PTPRT: variants seen among roughly 807,000 people sequenced by gnomAD.
The protein encoded by PTPRT is protein tyrosine phosphatase receptor type T.
Under a neutral mutation model 176.8 loss-of-function variants are expected in PTPRT, and 56 were observed. That is an observed-to-expected ratio of 0.32 (90% CI 0.26 to 0.40). The LOEUF (loss-of-function observed/expected upper bound fraction) is 0.40. PTPRT is among the 10% of genes least tolerant of loss of function. The pLI is 1.00. For missense variants in PTPRT, 1,540 were observed against 1,908.2 expected, an observed-to-expected ratio of 0.81 and a Z score of 3.60; for synonymous variants, 783 against 739.0, an observed-to-expected ratio of 1.06 and a Z score of -0.96.
intron 12 of PTPRT, among the ~76,000 whole-genome samples, chr20:42,286,477 T>C (rs574592690): frequency 1.3e-5 from 2 of 151,906 alleles, no homozygotes; most frequent in Admixed American, 1.3e-4. Context: ...GAACACTCAC[T>C]GGGGAAAGGA....
chr20:42,451,447 G>A (rs2070825013), intron 8 of PTPRT, among the ~76,000 whole-genome samples: 3 of 152,094 alleles, frequency 2.0e-5, no homozygotes, highest in Non-Finnish European at 2.9e-5. Flanking sequence ...TGGGAAGACT[G>A]GGGCCAATGT....
At chr20:42,230,942 C>A (rs1424850695) in intron 15 of PTPRT, among the ~76,000 whole-genome samples, 2 of 152,198 alleles carry the variant, frequency 1.3e-5, no homozygotes, top group South Asian at 2.1e-4. Context: ...GTCATTAACA[C>A]CCCTTTCATA....
chr20:42,513,199 GGGGTGT>G (rs1202942014), intron 7 of PTPRT, among the ~76,000 whole-genome samples: 1 of 121,508 alleles, frequency 8.2e-6, no homozygotes, highest in African/African-American at 3.6e-5. Flanking sequence ...CTCTATTGAT[GGGGTGT>G]GTGTGTGTGT....
chr20:42,490,397 A>T (rs1398974157), intron 7 of PTPRT, among the ~76,000 whole-genome samples: 1 of 151,890 alleles, frequency 6.6e-6, no homozygotes, highest in Admixed American at 6.6e-5. Context: ...TCTTCTTTTA[A>T]CTCTCTTATT....
chr20:42,214,439 C>T (rs1416823232), intron 15 of PTPRT, among the ~76,000 whole-genome samples: 1 of 152,158 alleles, frequency 6.6e-6, no homozygotes, highest in East Asian at 1.9e-4. Flanking sequence ...GGGTCCTTTC[C>T]CTCCTGCCCC....
chr20:42,617,365 C>A (rs201334768), intron 7 of PTPRT, among the ~76,000 whole-genome samples: 46 of 134,576 alleles, frequency 3.4e-4, no homozygotes, highest in African/African-American at 1.2e-3. Flanking sequence ...GGATTTTTGC[C>A]TCAATGTTCA....
At position 42,707,641 on chromosome 20, in the gene PTPRT, G is replaced by A. The variant is rs999287839; in HGVS notation, c.860-29482C>T. 2.6e-5 allele frequency among the ~76,000 whole-genome samples: 4 copies of A among 152,180 alleles called. No homozygotes were observed. In the East Asian group the frequency reaches 7.7e-4, roughly 29 times the overall value. On this transcript the variant is annotated intron_variant, in intron 6 of 30. Transcript: ENST00000373187. ...TTCAGTCCCACCATCACAAGGATCA[G>A]AATTCAACCAGCAACAAGGATGAGC...
chr20:43,064,791 A>G (rs1473381275), intron 1 of PTPRT, among the ~76,000 whole-genome samples: 2 of 152,240 alleles, frequency 1.3e-5, no homozygotes, highest in Non-Finnish European at 2.9e-5. Context: ...GGTTCTGAGT[A>G]CAGCTTTTTC....
intron 15 of PTPRT, among the ~76,000 whole-genome samples, chr20:42,233,630 T>G (rs147747218): frequency 6.6e-6 from 1 of 152,290 alleles, no homozygotes; most frequent in East Asian, 1.9e-4. Flanking sequence ...CACAAGTGCT[T>G]GGTGGTAGTT....
intron 7 of PTPRT, among the ~76,000 whole-genome samples, chr20:42,640,432 G>A (rs748021564): frequency 6.6e-6 from 1 of 151,870 alleles, no homozygotes; most frequent in Non-Finnish European, 1.5e-5. Flanking sequence ...GTCTTGCTTT[G>A]TCGCCCAGGC....
intron 7 of PTPRT, among the ~76,000 whole-genome samples, chr20:42,631,428 T>C (rs1254157313): frequency 6.6e-6 from 1 of 152,068 alleles, no homozygotes; most frequent in Admixed American, 6.5e-5. Context: ...TATTGCCACA[T>C]GTTATGTTCC....
chr20:42,385,533 C>T (rs1234655678), intron 9 of PTPRT, among the ~76,000 whole-genome samples: 1 of 152,146 alleles, frequency 6.6e-6, no homozygotes, highest in Non-Finnish European at 1.5e-5. Context: ...ATCTGATATA[C>T]AAGGCTGTAC....
intron 7 of PTPRT, among the ~76,000 whole-genome samples, chr20:42,642,766 G>A (rs966632354): frequency 1.1e-4 from 16 of 152,134 alleles, no homozygotes; most frequent in African/African-American, 3.9e-4. Context: ...ACTTTGGGAG[G>A]TTAATGTAAA....
At chr20:42,125,338 A>G (rs1438867106) in intron 19 of PTPRT, among the ~76,000 whole-genome samples, 1 of 152,164 alleles carries the variant, frequency 6.6e-6, no homozygotes, top group Non-Finnish European at 1.5e-5. Context: ...TGATTAAGTA[A>G]TTTACCCAAG....
chr20:42,316,289 G>A (rs528854197), intron 11 of PTPRT, among the ~76,000 whole-genome samples: 2 of 152,162 alleles, frequency 1.3e-5, no homozygotes, highest in African/African-American at 4.8e-5. Flanking sequence ...AATGGTAGCA[G>A]CATCTGACAA....
At chr20:42,768,934 T>C (rs887933887) in intron 5 of PTPRT, among the ~76,000 whole-genome samples, 7 of 152,170 alleles carry the variant, frequency 4.6e-5, no homozygotes, top group Non-Finnish European at 1.0e-4. Flanking sequence ...ATAACGATCA[T>C]AAAATAATTG....
intron 16 of PTPRT, among the ~76,000 whole-genome samples, chr20:42,178,005 T>G (rs538870475): frequency 6.6e-6 from 1 of 152,182 alleles, no homozygotes; most frequent in East Asian, 1.9e-4. Flanking sequence ...TGGCATGATC[T>G]TGGCTCAGTG....
At chr20:43,081,519 C>G (rs965700120) in intron 1 of PTPRT, among the ~76,000 whole-genome samples, 1 of 152,132 alleles carries the variant, frequency 6.6e-6, no homozygotes. Context: ...ATTCCTTGAT[C>G]AGTCTCTCTA....
At chr20:42,508,728 G>T (rs1449284732) in intron 7 of PTPRT, among the ~76,000 whole-genome samples, 2 of 151,626 alleles carry the variant, frequency 1.3e-5, no homozygotes, top group East Asian at 3.9e-4. Flanking sequence ...GCCTAGAGAA[G>T]TACATTCTTG....
Sources: allele counts gnomAD v4.1 joint callset (sites outside exome capture counted in the v4.1 genomes callset), GRCh38; gene constraint gnomAD v4.1.1; transcripts MANE v1.5; gene names NCBI Gene and HGNC (gene_info 2026-07-23, HGNC 2026-07-21).